Variants in LAMP2 observed in about 807,000 individuals in gnomAD.
LAMP2 encodes the protein lysosome associated membrane protein 2.
A neutral mutation model predicts 25.6 loss-of-function variants in LAMP2; 4 were observed. The ratio of observed to expected loss-of-function variants is 0.16; its 90% CI spans 0.08 to 0.36. The LOEUF (loss-of-function observed/expected upper bound fraction) is 0.36. Among genes scored for constraint, LAMP2 ranks in the 10% least tolerant of loss-of-function variants. The pLI is 1.00. For synonymous variants in LAMP2, 108 were observed against 112.7 expected (o/e 0.96, Z 0.27); for missense variants, 272 against 301.4 (o/e 0.90, Z 0.72).
Position 120,430,596 on chromosome X carries a change from C to T in LAMP2, c.*727G>A. ...CTAAATATGCTTGGATCTTTTCAGT[C>T]TATATTGCTGAAAAACAAACAATTA... On this transcript the variant is annotated 3_prime_UTR_variant, in exon 9 of 9. Coordinates refer to ENST00000200639, the MANE Select transcript of LAMP2 (RefSeq NM_002294.3). 1.3e-6 allele frequency: 1 copy of T among 753,417 alleles called. No homozygotes were observed. The allele number at this position is 753,417 out of a possible 1,213,427, so 62.1% of individuals were successfully genotyped here.
In LAMP2 at chrX:120,430,622, T is replaced by A; in HGVS notation, c.*701A>T. 8.0e-6 allele frequency: 6 copies of A among 752,180 alleles called. No individual in the cohort carries two copies. The highest frequency in any genetic ancestry group is 9.4e-6 in the Non-Finnish European group (6 of 637,270). 62.0% of individuals were successfully genotyped at this position (752,180 alleles called of 1,213,427 possible). A position where few individuals can be genotyped will look rare whatever the true frequency, so the allele number is the denominator to read the frequency against. On this transcript the variant is annotated 3_prime_UTR_variant, in exon 9 of 9. Coordinates refer to ENST00000200639, the MANE Select transcript of LAMP2 (RefSeq NM_002294.3). ...TATATTGCTGAAAAACAAACAATTA[T>A]CTTAAAAACTCTAATTACGAAGCCA...
intron 3 of LAMP2, among the ~76,000 whole-genome samples, chrX:120,454,528 G>T (rs919163269): frequency 6.4e-5 from 7 of 110,194 alleles, no homozygotes; most frequent in African/African-American, 2.3e-4. Context: ...TGAGGCATGA[G>T]GATCGCTTGA....
rs727504957 is a variant in LAMP2 at position 120,431,345 on chromosome X, T to C, written c.1211A>G (p.His404Arg). ...LAYFIGLKHH[H>R]AGYEQF ...ATTCTAAAATTGCTCATATCCAGCA[T>C]GATGGTGCTTGAGACCAATAAAATA... Residue 404 changes from histidine to arginine, a missense_variant, in exon 9 of 9, where the codon CAT becomes CGT. His to Arg is a conservative substitution (Grantham distance 29). Transcript: ENST00000200639. 1.1e-5 allele frequency: 13 copies of C among 1,208,835 alleles called. No individual in the cohort carries two copies. The highest frequency in any genetic ancestry group is 1.5e-5 in the Non-Finnish European group (13 of 893,844).
intron 3 of LAMP2, among the ~76,000 whole-genome samples, chrX:120,455,011 T>C (rs755192972): frequency 9.9e-6 from 1 of 100,833 alleles, no homozygotes; most frequent in East Asian, 3.0e-4. Context: ...ATATATATAC[T>C]AGGATATATG....
chrX:120,459,079 A>G (rs1365962475), intron 1 of LAMP2, among the ~76,000 whole-genome samples: 1 of 111,363 alleles, frequency 9.0e-6, no homozygotes, highest in African/African-American at 3.3e-5. Context: ...TTCTCAAACT[A>G]TTTTCCCAGA....
At position 120,430,311 on chromosome X, in the gene LAMP2, G is replaced by A; in HGVS notation, c.*1012C>T. ...CTCTTTACACCCCCATCTATGCACT[G>A]CCCCACAGGGGCCATCTTGAAGAAA... is the stretch of plus-strand genomic sequence containing the variant. On this transcript the variant is annotated 3_prime_UTR_variant, in exon 9 of 9. Coordinates refer to ENST00000200639, the MANE Select transcript of LAMP2 (RefSeq NM_002294.3). 1 of 754,162 alleles carries A rather than the reference G, an allele frequency of 1.3e-6. No homozygotes were observed. The highest frequency in any genetic ancestry group is 1.6e-6 in the Non-Finnish European group (1 of 639,048). 62.2% of individuals were successfully genotyped at this position (754,162 alleles called of 1,213,427 possible).
chrX:120,438,401 G>A (rs900341866), intron 8 of LAMP2: 1 of 743,317 alleles, frequency 1.3e-6, no homozygotes, highest in Non-Finnish European at 1.6e-6. Context: ...AAAATGGATT[G>A]AAATGCCCAG....
Position 120,428,280 on chromosome X carries a change from T to C in LAMP2, c.*3043A>G, listed in dbSNP as rs188577917. 4 of 379,392 alleles carry C rather than the reference T, an allele frequency of 1.1e-5. No individual in the cohort carries two copies. The East Asian group carries it at 2.0e-4, about 19-fold the overall frequency. 31.3% of individuals were successfully genotyped at this position (379,392 alleles called of 1,213,427 possible). On this transcript the variant is annotated 3_prime_UTR_variant, in exon 9 of 9. Transcript: ENST00000200639. Reference sequence around the variant, plus strand: ...CACAATTTTTCTTTTAATTATACTTTAACAAAGGAAGAAAAAAAACAGAAA... The same window carrying C: ...CACAATTTTTCTTTTAATTATACTTCAACAAAGGAAGAAAAAAAACAGAAA...
At chrX:120,458,512 A>G (rs1375073817) in intron 1 of LAMP2, among the ~76,000 whole-genome samples, 1 of 111,418 alleles carries the variant, frequency 9.0e-6, no homozygotes, top group Non-Finnish European at 1.9e-5. Context: ...AAGAGCTGAG[A>G]AACACCCTGA....
Position 120,430,630 on chromosome X carries a change from ACT to A in LAMP2, c.*691_*692del, listed in dbSNP as rs1351970339. The A allele has an allele frequency of 7.1e-5, 53 of 750,624 alleles. No individual in the cohort carries two copies. The highest frequency in any genetic ancestry group is 8.0e-5 in the Non-Finnish European group (51 of 637,317). The allele number at this position is 750,624 out of a possible 1,213,427, so 61.9% of individuals were successfully genotyped here. On this transcript the variant is annotated 3_prime_UTR_variant, in exon 9 of 9. Coordinates refer to ENST00000200639, the MANE Select transcript of LAMP2 (RefSeq NM_002294.3). Reference sequence around the variant, plus strand: ...TGAAAAACAAACAATTATCTTAAAAACTCTAATTACGAAGCCAGTTTAAGTTC... The same window carrying A: ...TGAAAAACAAACAATTATCTTAAAAACTAATTACGAAGCCAGTTTAAGTTC...
intron 8 of LAMP2, among the ~76,000 whole-genome samples, chrX:120,436,170 A>ACTCTCTCTCTCTCTCTCTCTCTCTGT (rs1232205922): frequency 1.0e-4 from 6 of 57,305 alleles, no homozygotes; most frequent in African/African-American, 3.0e-4. Context: ...ACACACACAC[A>ACTCTCTCTCTCTCTCTCTCTCTCTGT]CTCTCTCTCT....
At chrX:120,454,243 AC>A (rs1355066503) in intron 3 of LAMP2, among the ~76,000 whole-genome samples, 13 of 106,404 alleles carry the variant, frequency 1.2e-4, no homozygotes, top group East Asian at 2.9e-4. Context: ...AAAAAAAAAA[AC>A]ATAGCATTTC....
intron 6 of LAMP2, among the ~76,000 whole-genome samples, chrX:120,443,415 T>G (rs1463695295): frequency 8.9e-6 from 1 of 112,106 alleles, no homozygotes; most frequent in Non-Finnish European, 1.9e-5. Flanking sequence ...TTTGAGCACT[T>G]ACTAAGTGCC....
intron 1 of LAMP2, among the ~76,000 whole-genome samples, chrX:120,466,840 C>T (rs78931219): frequency 6.0e-4 from 49 of 81,486 alleles, no homozygotes; most frequent in African/African-American, 1.9e-3. Context: ...CAAATAACTT[C>T]TTTTTTTTTT....
chrX:120,435,033 G>A (rs963859604), intron 8 of LAMP2, among the ~76,000 whole-genome samples: 1 of 111,324 alleles, frequency 9.0e-6, no homozygotes, highest in Non-Finnish European at 1.9e-5. Flanking sequence ...GGGAGGCTGA[G>A]GCATAAGAAT....
intron 8 of LAMP2, chrX:120,437,377 A>AT (rs1196717772): frequency 2.7e-6 from 2 of 735,926 alleles, no homozygotes; most frequent in Admixed American, 2.1e-4. Flanking sequence ...CAATTTTCTC[A>AT]TTTTCTAGTG....
intron 1 of LAMP2, among the ~76,000 whole-genome samples, chrX:120,463,973 T>G (rs756633178): frequency 2.7e-5 from 3 of 109,591 alleles, no homozygotes; most frequent in Non-Finnish European, 5.7e-5. Flanking sequence ...AGTATCTCTA[T>G]TATAACTAGA....
chrX:120,462,519 C>CAA (rs199797977), intron 1 of LAMP2, among the ~76,000 whole-genome samples: 4,887 of 61,497 alleles, frequency 0.079, 437 homozygotes, highest in African/African-American at 0.25. Flanking sequence ...AAGACCCTGT[C>CAA]AAAAAAAAAA....
At chrX:120,442,262 T>G (rs1480115773) in intron 7 of LAMP2, among the ~76,000 whole-genome samples, 3 of 100,301 alleles carry the variant, frequency 3.0e-5, no homozygotes, top group Non-Finnish European at 6.1e-5. Context: ...GGAACAGTCC[T>G]CAGGGTTTTT....
Sources: allele counts gnomAD v4.1 joint callset (sites outside exome capture counted in the v4.1 genomes callset), GRCh38; gene constraint gnomAD v4.1.1; transcripts MANE v1.5; gene names NCBI Gene and HGNC (gene_info 2026-07-23, HGNC 2026-07-21).